The following CAMK4 variants were observed in gnomAD, a reference collection of about 807,000 sequenced individuals.
CAMK4 encodes the protein calcium/calmodulin dependent protein kinase IV, also known as calcium/calmodulin-dependent protein kinase type IV.
CAMK4 carries 22 observed loss-of-function variants against 44.9 expected under a neutral mutation model. That is an observed-to-expected ratio of 0.49 (90% CI 0.35 to 0.70). CAMK4 has a LOEUF of 0.70. Among genes scored for constraint, CAMK4 ranks in the 30% least tolerant of loss-of-function variants. The pLI, the probability that CAMK4 is intolerant of heterozygous loss-of-function variation, is 0.01. For synonymous variants in CAMK4, 218 were observed against 215.4 expected (o/e 1.01, Z -0.11); for missense variants, 498 against 586.8 (o/e 0.85, Z 1.56).
intron 4 of CAMK4, among the ~76,000 whole-genome samples, chr5:111,383,675 C>T (rs2112840705): frequency 6.6e-6 from 1 of 151,246 alleles, no homozygotes; most frequent in East Asian, 1.9e-4. Context: ...CCATGTTCGC[C>T]AGGATGGTCT....
At chr5:111,228,329 C>T (rs1467351241) in intron 1 of CAMK4, among the ~76,000 whole-genome samples, 1 of 152,102 alleles carries the variant, frequency 6.6e-6, no homozygotes. Context: ...TTGCATACTC[C>T]TCCCCACTGC....
intron 1 of CAMK4, among the ~76,000 whole-genome samples, chr5:111,314,726 G>T (rs1748349651): frequency 6.6e-6 from 1 of 151,940 alleles, no homozygotes. Flanking sequence ...TCAAATAAGT[G>T]TCTTGTTAAT....
At chr5:111,416,416 G>A (rs1219523692) in intron 5 of CAMK4, 1 of 152,064 alleles carries the variant, frequency 6.6e-6, no homozygotes, top group East Asian at 1.9e-4. Flanking sequence ...AATAAATATT[G>A]TTAAACAACA....
intron 1 of CAMK4, among the ~76,000 whole-genome samples, chr5:111,279,642 T>C (rs557716251): frequency 2.0e-5 from 3 of 151,484 alleles, no homozygotes; most frequent in Admixed American, 2.0e-4. Flanking sequence ...TTTAAGACTT[T>C]TGAATCATTT....
intron 2 of CAMK4, among the ~76,000 whole-genome samples, chr5:111,366,832 G>A (rs1315083468): frequency 4.0e-5 from 6 of 151,822 alleles, no homozygotes; most frequent in Non-Finnish European, 1.5e-5. Flanking sequence ...ATAAAAACCT[G>A]TATAATTTCT....
chr5:111,404,099 G>C (rs1004099310), intron 5 of CAMK4, among the ~76,000 whole-genome samples: 3 of 152,146 alleles, frequency 2.0e-5, no homozygotes, highest in African/African-American at 7.2e-5. Flanking sequence ...GTCGGGGTAG[G>C]AATTTTATGT....
At chr5:111,398,257 A>G (rs943607828) in intron 5 of CAMK4, among the ~76,000 whole-genome samples, 1 of 152,226 alleles carries the variant, frequency 6.6e-6, no homozygotes, top group African/African-American at 2.4e-5. Context: ...TTCAAAATTC[A>G]GAACAGAAGC....
intron 4 of CAMK4, among the ~76,000 whole-genome samples, chr5:111,379,433 C>A (rs1188888691): frequency 1.3e-5 from 2 of 152,082 alleles, no homozygotes; most frequent in Admixed American, 6.6e-5. Flanking sequence ...TGGCATACAG[C>A]CAGTAAAGCA....
intron 2 of CAMK4, among the ~76,000 whole-genome samples, chr5:111,355,866 T>G: frequency 7.3e-6 from 1 of 137,214 alleles, no homozygotes; most frequent in African/African-American, 2.7e-5. Flanking sequence ...TATTCCATGG[T>G]GTATATGTGC....
At chr5:111,411,997 C>T (rs925059345) in intron 5 of CAMK4, among the ~76,000 whole-genome samples, 14 of 152,020 alleles carry the variant, frequency 9.2e-5, no homozygotes, top group Non-Finnish European at 1.9e-4. Flanking sequence ...TATTAATCAC[C>T]AGCTTGAAAT....
intron 1 of CAMK4, among the ~76,000 whole-genome samples, chr5:111,336,854 G>T (rs971358038): frequency 1.3e-5 from 2 of 150,592 alleles, no homozygotes; most frequent in Non-Finnish European, 3.0e-5. Context: ...ACCACTTACT[G>T]TTAAATGAAC....
chr5:111,394,073 A>C (rs1751908251), intron 4 of CAMK4, among the ~76,000 whole-genome samples: 1 of 152,026 alleles, frequency 6.6e-6, no homozygotes, highest in Admixed American at 6.6e-5. Flanking sequence ...AAATAATAAG[A>C]GATACGCTAA....
chr5:111,441,125 T>A (rs1015494946), intron 5 of CAMK4, among the ~76,000 whole-genome samples: 12 of 152,174 alleles, frequency 7.9e-5, no homozygotes, highest in African/African-American at 2.4e-4. Context: ...AGTCTTTCTT[T>A]AATAATTGTT....
chr5:111,261,568 T>C (rs1749977649), intron 1 of CAMK4, among the ~76,000 whole-genome samples: 1 of 152,106 alleles, frequency 6.6e-6, no homozygotes, highest in African/African-American at 2.4e-5. Context: ...ATAGTTTTTT[T>C]TTTTTTTTCC....
chr5:111,399,363 A>G (rs1257412665), intron 5 of CAMK4, among the ~76,000 whole-genome samples: 1 of 152,166 alleles, frequency 6.6e-6, no homozygotes, highest in Non-Finnish European at 1.5e-5. Context: ...CTCTACCTAT[A>G]ATAATAACCA....
At chr5:111,389,042 TA>T (rs1751706852) in intron 4 of CAMK4, among the ~76,000 whole-genome samples, 1 of 152,136 alleles carries the variant, frequency 6.6e-6, no homozygotes, top group South Asian at 2.1e-4. Flanking sequence ...CAAAATTTCT[TA>T]TACTGAGTGG....
chr5:111,414,246 C>G (rs928389708), intron 5 of CAMK4, among the ~76,000 whole-genome samples: 1 of 152,112 alleles, frequency 6.6e-6, no homozygotes, highest in Non-Finnish European at 1.5e-5. Flanking sequence ...TGATGCTATC[C>G]TGAGAAAAAA....
At chr5:111,421,756 G>A (rs1753040177) in intron 5 of CAMK4, among the ~76,000 whole-genome samples, 1 of 152,094 alleles carries the variant, frequency 6.6e-6, no homozygotes, top group South Asian at 2.1e-4. Context: ...TGGTTTGGCT[G>A]TGTCTCCACC....
rs2112508310 is a variant in CAMK4, at chr5:111,485,648, T to C, written c.*1182T>C. On this transcript the variant is annotated 3_prime_UTR_variant, in exon 11 of 11. Coordinates refer to ENST00000282356, the MANE Select transcript of CAMK4 (RefSeq NM_001744.6). ...AAAGTACCCACATTTTACAATGTAG[T>C]GTTGAGAATGTGGCTGCCAATAAAT... 1.3e-5 allele frequency: 2 copies of C among 152,294 alleles called. No individual in the cohort carries two copies. The highest frequency in any genetic ancestry group is 4.1e-4 in the South Asian group (2 of 4,832). The allele number at this position is 152,294 out of a possible 1,614,324, so 9.4% of individuals were successfully genotyped here.
Sources: gnomAD v4.1 joint callset for allele counts (sites outside exome capture counted in the v4.1 genomes callset) on GRCh38, gnomAD v4.1.1 for gene constraint, MANE v1.5 for transcripts, NCBI Gene and HGNC (gene_info 2026-07-23, HGNC 2026-07-21) for gene names.